DLGAP2: variants seen among roughly 807,000 people sequenced by gnomAD.
The protein encoded by DLGAP2 is disks large-associated protein 2.
A neutral mutation model predicts 100.3 loss-of-function variants in DLGAP2; 26 were observed. That is an observed-to-expected ratio of 0.26 (90% CI 0.19 to 0.36). The LOEUF (loss-of-function observed/expected upper bound fraction) is 0.36, where lower values mean the gene tolerates loss of function less well. Ranked by LOEUF, DLGAP2 falls within the 10% of genes least tolerant of loss-of-function variation. The probability of loss-of-function intolerance (pLI) is 1.00; values close to 1 mark genes in which losing one functional copy is unlikely to be tolerated. For synonymous variants in DLGAP2, 886 were observed against 630.1 expected, an observed-to-expected ratio of 1.41 and a Z score of -6.08; for missense variants, 1,858 against 1,453.2, an observed-to-expected ratio of 1.28 and a Z score of -4.53.
intron 3 of DLGAP2, among the ~76,000 whole-genome samples, chr8:1,313,580 C>T (rs1397352353): frequency 3.9e-5 from 6 of 152,092 alleles, no homozygotes; most frequent in African/African-American, 1.2e-4. Context: ...CTGTGGAACA[C>T]CATAACACTT....
chr8:960,116 G>A (rs772503384), intron 2 of DLGAP2, among the ~76,000 whole-genome samples: 4 of 151,828 alleles, frequency 2.6e-5, no homozygotes, highest in Non-Finnish European at 5.9e-5. Flanking sequence ...TGTTAGTCAC[G>A]GTTATGTTTC....
At position 915,930 on chromosome 8, in the gene DLGAP2, T is replaced by C. The variant is rs1255995309; in HGVS notation, c.73+7964T>C. On this transcript the variant is annotated intron_variant, in intron 2 of 14. Coordinates refer to ENST00000637795, the MANE Select transcript of DLGAP2 (RefSeq NM_001346810.2). The stretch of plus-strand genomic sequence containing the variant: ...CATGAGTCCTCCTCATTGTACACTC[T>C]CCGCACTCTCTTTTTTCTGCCCGTC... Among the ~76,000 whole-genome samples the C allele has an allele frequency of 2.1e-5, 3 of 145,548 alleles. No homozygotes were observed. The East Asian group carries it at 6.1e-4, about 30-fold the overall frequency.
At chr8:1,073,317 ATT>A (rs1177228485) in intron 2 of DLGAP2, among the ~76,000 whole-genome samples, 2 of 152,222 alleles carry the variant, frequency 1.3e-5, no homozygotes, top group African/African-American at 4.8e-5. Flanking sequence ...TAGCCAAATC[ATT>A]TGTTTTACTA....
At chr8:929,007 C>G (rs1334192312) in intron 2 of DLGAP2, among the ~76,000 whole-genome samples, 1 of 132,262 alleles carries the variant, frequency 7.6e-6, no homozygotes, top group South Asian at 2.8e-4. Flanking sequence ...AGACCCCCCA[C>G]CATTCCCCCT....
intron 4 of DLGAP2, among the ~76,000 whole-genome samples, chr8:1,546,574 G>C (rs973019721): frequency 1.3e-5 from 2 of 152,230 alleles, no homozygotes; most frequent in South Asian, 4.1e-4. Context: ...ATTATCAGCA[G>C]GGGATTTTGT....
At chr8:1,029,202 C>T (rs1405311065) in intron 2 of DLGAP2, among the ~76,000 whole-genome samples, 1 of 152,134 alleles carries the variant, frequency 6.6e-6, no homozygotes, top group African/African-American at 2.4e-5. Flanking sequence ...AGAAAGTCCA[C>T]AGAGCCTGCA....
At chr8:1,242,789 CAGAT>C (rs1255307177) in intron 2 of DLGAP2, among the ~76,000 whole-genome samples, 8 of 151,954 alleles carry the variant, frequency 5.3e-5, no homozygotes, top group African/African-American at 9.7e-5. Context: ...GATAGACGGA[CAGAT>C]AGATGGATGG....
intron 3 of DLGAP2, among the ~76,000 whole-genome samples, chr8:1,446,701 A>G (rs958990370): frequency 6.6e-6 from 1 of 152,172 alleles, no homozygotes; most frequent in African/African-American, 2.4e-5. Flanking sequence ...CATTTTCACA[A>G]TATTGATTCT....
chr8:1,199,025 C>T (rs1797813061), intron 2 of DLGAP2, among the ~76,000 whole-genome samples: 1 of 152,176 alleles, frequency 6.6e-6, no homozygotes, highest in Admixed American at 6.5e-5. Flanking sequence ...CAGCAGAGGT[C>T]GCGTGGTTGA....
At chr8:988,722 C>G (rs1323486845) in intron 2 of DLGAP2, among the ~76,000 whole-genome samples, 1 of 152,138 alleles carries the variant, frequency 6.6e-6, no homozygotes, top group Non-Finnish European at 1.5e-5. Flanking sequence ...TCCACCTGCC[C>G]TCTGGTTCCT....
At chr8:1,323,421 G>C (rs1401037389) in intron 3 of DLGAP2, among the ~76,000 whole-genome samples, 2 of 152,174 alleles carry the variant, frequency 1.3e-5, no homozygotes, top group Non-Finnish European at 2.9e-5. Flanking sequence ...TTTGAGTCTG[G>C]GTGGCCCCGG....
intron 2 of DLGAP2, among the ~76,000 whole-genome samples, chr8:1,155,242 G>T (rs546793165): frequency 2.4e-4 from 36 of 152,284 alleles, no homozygotes; most frequent in Admixed American, 2.2e-3. Context: ...ATGCGTGAAT[G>T]ACTTGTCGCT....
chr8:1,118,055 A>C (rs1382022316), intron 2 of DLGAP2, among the ~76,000 whole-genome samples: 5 of 152,220 alleles, frequency 3.3e-5, no homozygotes, highest in African/African-American at 1.2e-4. Flanking sequence ...TTTGGTCTTA[A>C]GTGGTTTTGA....
chr8:1,596,642 CAT>C (rs1015074222), intron 6 of DLGAP2, among the ~76,000 whole-genome samples: 1 of 152,108 alleles, frequency 6.6e-6, no homozygotes, highest in African/African-American at 2.4e-5. Flanking sequence ...AGCTTTTTTT[CAT>C]ATGTTTGTTG....
chr8:1,188,749 G>T (rs891364218), intron 2 of DLGAP2, among the ~76,000 whole-genome samples: 2 of 152,240 alleles, frequency 1.3e-5, no homozygotes, highest in Non-Finnish European at 2.9e-5. Flanking sequence ...TGAGATGTCA[G>T]CGTCTGGAAA....
chr8:1,302,327 C>T (rs1800371040), intron 3 of DLGAP2: 1 of 116,738 alleles, frequency 8.6e-6, no homozygotes. Context: ...CCGAGCTCTG[C>T]TCCACACCTG....
chr8:971,560 G>A (rs557933161), intron 2 of DLGAP2, among the ~76,000 whole-genome samples: 4 of 152,298 alleles, frequency 2.6e-5, no homozygotes, highest in African/African-American at 9.6e-5. Context: ...TTCTAAGCAT[G>A]GACTTGCTTG....
At chr8:1,101,579 G>T (rs1461799202) in intron 2 of DLGAP2, among the ~76,000 whole-genome samples, 1 of 152,154 alleles carries the variant, frequency 6.6e-6, no homozygotes, top group East Asian at 1.9e-4. Context: ...GAAGATGGAA[G>T]AGTTCCGGAG....
chr8:1,422,929 C>T (rs1270830261), intron 3 of DLGAP2, among the ~76,000 whole-genome samples: 1 of 152,148 alleles, frequency 6.6e-6, no homozygotes, highest in African/African-American at 2.4e-5. Context: ...CACCCTAGGC[C>T]AACTCTGTCC....
Sources: allele counts gnomAD v4.1 joint callset (sites outside exome capture counted in the v4.1 genomes callset), GRCh38; gene constraint gnomAD v4.1.1; transcripts MANE v1.5; gene names NCBI Gene and HGNC (gene_info 2026-07-23, HGNC 2026-07-21).